Variants in OPCML observed in about 807,000 individuals in gnomAD.
OPCML encodes opioid binding protein/cell adhesion molecule like.
Under a neutral mutation model 37.8 loss-of-function variants are expected in OPCML, and 13 were observed. The observed-to-expected ratio is 0.34, with a 90% CI of 0.22 to 0.55. The LOEUF (loss-of-function observed/expected upper bound fraction) is 0.55, where lower values mean the gene tolerates loss of function less well. Ranked by LOEUF, OPCML falls within the 20% of genes least tolerant of loss-of-function variation. The pLI is 0.91. For missense variants in OPCML, 341 were observed against 435.6 expected (o/e 0.78, Z 1.93); for synonymous variants, 176 against 168.8 (o/e 1.04, Z -0.33).
At chr11:132,865,064 C>T (rs1942475235) in intron 2 of OPCML, among the ~76,000 whole-genome samples, 1 of 152,214 alleles carries the variant, frequency 6.6e-6, no homozygotes, top group African/African-American at 2.4e-5. Flanking sequence ...AGCATTTTAG[C>T]TTTTGATTTA....
At chr11:132,902,446 C>T (rs1944096393) in intron 2 of OPCML, among the ~76,000 whole-genome samples, 1 of 152,182 alleles carries the variant, frequency 6.6e-6, no homozygotes, top group Admixed American at 6.5e-5. Flanking sequence ...ATTTCTGTGA[C>T]TTGGCTGTTG....
chr11:132,778,066 CA>C (rs781536597), intron 2 of OPCML, among the ~76,000 whole-genome samples: 3 of 152,154 alleles, frequency 2.0e-5, no homozygotes, highest in African/African-American at 4.8e-5. Context: ...GGCTGACCAG[CA>C]GTAACTTAGG....
At chr11:132,564,986 C>T (rs1351577156) in intron 3 of OPCML, among the ~76,000 whole-genome samples, 1 of 152,148 alleles carries the variant, frequency 6.6e-6, no homozygotes, top group African/African-American at 2.4e-5. Flanking sequence ...AATGGCAAAT[C>T]TCACCTTGTT....
At chr11:132,880,557 C>T (rs1236504479) in intron 2 of OPCML, among the ~76,000 whole-genome samples, 5 of 152,234 alleles carry the variant, frequency 3.3e-5, no homozygotes, top group Non-Finnish European at 7.3e-5. Context: ...TGCGGATTCT[C>T]ATGCTCAGCC....
At chr11:132,632,574 C>T (rs1309905141) in intron 3 of OPCML, among the ~76,000 whole-genome samples, 1 of 152,046 alleles carries the variant, frequency 6.6e-6, no homozygotes, top group Non-Finnish European at 1.5e-5. Flanking sequence ...CCTATCTCCA[C>T]GCAACACAAT....
intron 1 of OPCML, among the ~76,000 whole-genome samples, chr11:133,463,046 C>T (rs1433898237): frequency 2.0e-5 from 3 of 146,526 alleles, no homozygotes; most frequent in East Asian, 2.0e-4. Flanking sequence ...CTGGATAAAA[C>T]GTTAAGGCGC....
At chr11:133,168,672 A>G (rs1592067765) in intron 1 of OPCML, among the ~76,000 whole-genome samples, 1 of 152,364 alleles carries the variant, frequency 6.6e-6, no homozygotes, top group East Asian at 1.9e-4. Flanking sequence ...GCATTCAGCA[A>G]CCAATGGATC....
chr11:133,219,323 C>T (rs1396807304), intron 1 of OPCML, among the ~76,000 whole-genome samples: 2 of 152,236 alleles, frequency 1.3e-5, no homozygotes, highest in Non-Finnish European at 2.9e-5. Context: ...ACAGAACGTT[C>T]TGCAATGGTG....
At chr11:132,594,059 ATG>A (rs2096488778) in intron 3 of OPCML, among the ~76,000 whole-genome samples, 1 of 152,142 alleles carries the variant, frequency 6.6e-6, no homozygotes, top group Non-Finnish European at 1.5e-5. Context: ...AAAAACAAGG[ATG>A]TGTGCCCCCT....
At chr11:132,612,995 A>C (rs1281676776) in intron 3 of OPCML, among the ~76,000 whole-genome samples, 1 of 152,228 alleles carries the variant, frequency 6.6e-6, no homozygotes, top group Non-Finnish European at 1.5e-5. Flanking sequence ...ATGCATTTAG[A>C]AACTTATTCC....
At chr11:132,915,656 A>G (rs946683233) in intron 2 of OPCML, among the ~76,000 whole-genome samples, 1 of 152,240 alleles carries the variant, frequency 6.6e-6, no homozygotes, top group African/African-American at 2.4e-5. Flanking sequence ...AGTGACACAA[A>G]CTGTTTTTAT....
chr11:132,549,559 C>T (rs1397104082), intron 3 of OPCML, among the ~76,000 whole-genome samples: 8 of 152,172 alleles, frequency 5.3e-5, no homozygotes, highest in African/African-American at 1.9e-4. Context: ...GTATGGGAGT[C>T]CTTGGGAAGG....
chr11:133,275,484 T>G (rs1209035301), intron 1 of OPCML, among the ~76,000 whole-genome samples: 1 of 152,190 alleles, frequency 6.6e-6, no homozygotes, highest in Non-Finnish European at 1.5e-5. Context: ...CCAATTGTTT[T>G]CATTCCTCAC....
intron 4 of OPCML, among the ~76,000 whole-genome samples, chr11:132,517,938 G>C (rs896643319): frequency 6.6e-6 from 1 of 152,086 alleles, no homozygotes; most frequent in African/African-American, 2.4e-5. Flanking sequence ...CATAGAGAAT[G>C]AGTAGATCAG....
intron 4 of OPCML, among the ~76,000 whole-genome samples, chr11:132,467,989 C>G (rs969609026): frequency 6.6e-6 from 1 of 152,178 alleles, no homozygotes; most frequent in Admixed American, 6.5e-5. Context: ...AGCTTCTGAT[C>G]TCCACGCTGA....
intron 1 of OPCML, among the ~76,000 whole-genome samples, chr11:133,233,012 T>C (rs1940344140): frequency 6.6e-6 from 1 of 152,220 alleles, no homozygotes; most frequent in Non-Finnish European, 1.5e-5. Context: ...ACTGGGTACC[T>C]GGACTTTTTT....
intron 1 of OPCML, among the ~76,000 whole-genome samples, chr11:133,509,193 T>C (rs1360350328): frequency 3.3e-5 from 5 of 152,116 alleles, no homozygotes; most frequent in Non-Finnish European, 7.3e-5. Context: ...CCGGATGCAT[T>C]AGCTATTTAT....
In OPCML at chr11:133,249,179, T is replaced by A. The variant is rs117365122; in HGVS notation, c.61+283085A>T. Reference sequence around the variant, plus strand: ...GAAAAGAGGTTTCTTGGGCTAGGGATTCTACAGGCTGTACTAGGAGCACAG... The same window carrying A: ...GAAAAGAGGTTTCTTGGGCTAGGGAATCTACAGGCTGTACTAGGAGCACAG... On this transcript the variant is annotated intron_variant, in intron 1 of 7. Coordinates refer to ENST00000524381, the MANE Select transcript of OPCML (RefSeq NM_001012393.5). Among the ~76,000 whole-genome samples, 164 of 152,246 alleles carry A rather than the reference T, an allele frequency of 1.1e-3. 2 individuals are homozygous for A. The East Asian group carries it at 0.023, about 21-fold the overall frequency.
chr11:132,947,232 G>C (rs377170946), intron 1 of OPCML, among the ~76,000 whole-genome samples: 1 of 152,232 alleles, frequency 6.6e-6, no homozygotes, highest in Non-Finnish European at 1.5e-5. Context: ...TGAGGTTCCC[G>C]ATAGGAAAAG....
Sources: allele counts gnomAD v4.1 joint callset (sites outside exome capture counted in the v4.1 genomes callset), GRCh38; gene constraint gnomAD v4.1.1; transcripts MANE v1.5; gene names NCBI Gene and HGNC (gene_info 2026-07-23, HGNC 2026-07-21).